Variants in CNTNAP5 observed in about 807,000 individuals in gnomAD.
The protein encoded by CNTNAP5 is contactin associated protein family member 5, also known as contactin-associated protein-like 5.
In CNTNAP5, 72 loss-of-function variants were observed where a neutral mutation model predicts 150.2. The ratio of observed to expected loss-of-function variants is 0.48; its 90% CI spans 0.40 to 0.58. The LOEUF is 0.58. Ranked by LOEUF, CNTNAP5 falls within the 20% of genes least tolerant of loss-of-function variation. The pLI, the probability that CNTNAP5 is intolerant of heterozygous loss-of-function variation, is 0.00. For synonymous variants in CNTNAP5, 672 were observed against 619.8 expected (o/e 1.08, Z -1.25); for missense variants, 1,636 against 1,626.2 (o/e 1.01, Z -0.10).
intron 21 of CNTNAP5, among the ~76,000 whole-genome samples, chr2:124,882,889 C>T (rs1430605063): frequency 1.3e-5 from 2 of 151,840 alleles, no homozygotes; most frequent in African/African-American, 2.4e-5. Flanking sequence ...GAAAAAGCCC[C>T]TTATAAAGCA....
At chr2:124,771,609 G>C (rs987728253) in intron 16 of CNTNAP5, among the ~76,000 whole-genome samples, 1 of 152,078 alleles carries the variant, frequency 6.6e-6, no homozygotes, top group Non-Finnish European at 1.5e-5. Context: ...CTGGCATAGA[G>C]TTTGTTGTTC....
intron 1 of CNTNAP5, among the ~76,000 whole-genome samples, chr2:124,192,489 C>T (rs1033657327): frequency 1.3e-5 from 2 of 152,158 alleles, no homozygotes; most frequent in Non-Finnish European, 2.9e-5. Flanking sequence ...CTATTCCCCC[C>T]AAACCATGCG....
chr2:124,171,118 C>T (rs938258296), intron 1 of CNTNAP5, among the ~76,000 whole-genome samples: 5 of 152,116 alleles, frequency 3.3e-5, no homozygotes, highest in Non-Finnish European at 5.9e-5. Context: ...AAGGTTATTG[C>T]TTTTTCAAAA....
intron 1 of CNTNAP5, among the ~76,000 whole-genome samples, chr2:124,125,480 C>A (rs1683669569): frequency 6.6e-6 from 1 of 152,136 alleles, no homozygotes; most frequent in Non-Finnish European, 1.5e-5. Context: ...GTTAACAGCC[C>A]ACTGTCAACA....
chr2:124,089,724 A>G (rs1029595285), intron 1 of CNTNAP5, among the ~76,000 whole-genome samples: 4 of 152,204 alleles, frequency 2.6e-5, no homozygotes, highest in Non-Finnish European at 5.9e-5. Context: ...TGCTCCCATA[A>G]AAGGACTATG....
chr2:124,679,182 A>G (rs913484586), intron 13 of CNTNAP5, among the ~76,000 whole-genome samples: 6 of 151,850 alleles, frequency 4.0e-5, no homozygotes, highest in African/African-American at 1.4e-4. Context: ...CCTCTGTGGT[A>G]AGCGAGATAA....
intron 1 of CNTNAP5, among the ~76,000 whole-genome samples, chr2:124,126,919 A>C (rs970813169): frequency 1.3e-4 from 20 of 150,086 alleles, no homozygotes; most frequent in African/African-American, 2.2e-4. Context: ...TCAAAATAAT[A>C]AGAGCTATTT....
At chr2:124,787,076 AC>A (rs35158684) in intron 17 of CNTNAP5, among the ~76,000 whole-genome samples, 12,132 of 152,042 alleles carry the variant, frequency 0.08, 628 homozygotes, top group East Asian at 0.15. Flanking sequence ...GAAACCACCA[AC>A]CCCAGTCATC....
At chr2:124,408,396 C>T (rs1691650660) in intron 3 of CNTNAP5, among the ~76,000 whole-genome samples, 1 of 152,336 alleles carries the variant, frequency 6.6e-6, no homozygotes, top group African/African-American at 2.4e-5. Flanking sequence ...CTCAAGGAGG[C>T]CTGCCTGCCT....
intron 1 of CNTNAP5, among the ~76,000 whole-genome samples, chr2:124,154,136 C>A (rs933912197): frequency 3.3e-5 from 5 of 152,112 alleles, no homozygotes; most frequent in African/African-American, 1.2e-4. Context: ...AGAATACAAT[C>A]CTCCTTAGTT....
chr2:124,443,813 C>CGTGTGTGTGTGTGT (rs3034804), intron 5 of CNTNAP5, among the ~76,000 whole-genome samples: 4 of 143,736 alleles, frequency 2.8e-5, no homozygotes, highest in African/African-American at 7.8e-5. Context: ...AATTCCTTGC[C>CGTGTGTGTGTGTGT]GTGTGTGTGT....
intron 13 of CNTNAP5, among the ~76,000 whole-genome samples, chr2:124,702,455 T>C (rs528215795): frequency 1.4e-5 from 2 of 143,888 alleles, no homozygotes; most frequent in African/African-American, 5.1e-5. Context: ...ACTTGGTGTG[T>C]CCTCAATAGA....
chr2:124,266,941 A>T (rs1478419337), intron 3 of CNTNAP5, among the ~76,000 whole-genome samples: 1 of 151,024 alleles, frequency 6.6e-6, no homozygotes, highest in Non-Finnish European at 1.5e-5. Context: ...CATAATATAG[A>T]TTTATTATGT....
At chr2:124,386,239 GA>G (rs1275941649) in intron 3 of CNTNAP5, among the ~76,000 whole-genome samples, 1 of 152,206 alleles carries the variant, frequency 6.6e-6, no homozygotes, top group Non-Finnish European at 1.5e-5. Flanking sequence ...TCCATTGTGT[GA>G]AGGTCATTGG....
chr2:124,299,106 G>A (rs959029444), intron 3 of CNTNAP5, among the ~76,000 whole-genome samples: 2 of 152,168 alleles, frequency 1.3e-5, no homozygotes, highest in Non-Finnish European at 2.9e-5. Flanking sequence ...CAAACCCAGA[G>A]AGAGAATCCT....
At chr2:124,664,862 T>C (rs1341937249) in intron 13 of CNTNAP5, among the ~76,000 whole-genome samples, 1 of 152,182 alleles carries the variant, frequency 6.6e-6, no homozygotes, top group Non-Finnish European at 1.5e-5. Flanking sequence ...CATTTTTGTA[T>C]TTTTAGTAGA....
At chr2:124,662,623 A>C (rs73953154) in intron 13 of CNTNAP5, among the ~76,000 whole-genome samples, 2,013 of 152,342 alleles carry the variant, frequency 0.013, 45 homozygotes, top group African/African-American at 0.045. Context: ...GATTCTAGGC[A>C]GATCTAATTT....
At chr2:124,090,923 C>T (rs569710503) in intron 1 of CNTNAP5, among the ~76,000 whole-genome samples, 30 of 152,218 alleles carry the variant, frequency 2.0e-4, no homozygotes, top group Admixed American at 3.3e-4. Context: ...ATACATTAAG[C>T]CCATTGAGCT....
At position 124,145,811 on chromosome 2, in the gene CNTNAP5, T is replaced by TAA. The variant is rs761766577; in HGVS notation, c.83-75894_83-75893insAA. Among the ~76,000 whole-genome samples, 76 of 12,738 alleles carry TAA rather than the reference T, an allele frequency of 6.0e-3. 1 individual carries two copies. Among genetic ancestry groups the TAA allele is most frequent in the Middle Eastern group, 0.071 (1 of 14 alleles). 8.4% of individuals were successfully genotyped at this position (12,738 alleles called of 152,430 possible). On this transcript the variant is annotated intron_variant, in intron 1 of 23. Transcript: ENST00000682447. ...AAGTATAATAAAAAAAAAAAAAACA[T>TAA]TAAAAAAAAAAAAAAAAGAAGAAAA...
Sources: gnomAD v4.1 joint callset for allele counts (sites outside exome capture counted in the v4.1 genomes callset) on GRCh38, gnomAD v4.1.1 for gene constraint, MANE v1.5 for transcripts, NCBI Gene and HGNC (gene_info 2026-07-23, HGNC 2026-07-21) for gene names.